The following KLHL2 variants were observed in gnomAD, a reference collection of about 807,000 sequenced individuals.
The protein encoded by KLHL2 is kelch like family member 2.
Under a neutral mutation model 75.8 loss-of-function variants are expected in KLHL2, and 15 were observed. The observed-to-expected ratio is 0.20, with a 90% CI of 0.13 to 0.30. KLHL2 has a LOEUF of 0.30. Ranked by LOEUF, KLHL2 falls within the 10% of genes least tolerant of loss-of-function variation. The pLI, the probability that KLHL2 is intolerant of heterozygous loss-of-function variation, is 1.00. For missense variants in KLHL2, 381 were observed against 741.0 expected (o/e 0.51, Z 5.64); for synonymous variants, 214 against 251.9 (o/e 0.85, Z 1.42).
intron 4 of KLHL2, among the ~76,000 whole-genome samples, chr4:165,239,174 T>C (rs904032419): frequency 1.3e-5 from 2 of 152,206 alleles, no homozygotes; most frequent in African/African-American, 4.8e-5. Flanking sequence ...TTATAACTGT[T>C]GATTGATGCT....
intron 5 of KLHL2, chr4:165,279,078 C>T (rs774458237): frequency 2.5e-5 from 39 of 1,538,578 alleles, no homozygotes; most frequent in East Asian, 6.7e-5. Context: ...CCTCCATTGA[C>T]GCCTCCTGTC....
chr4:165,223,884 G>T, intron 2 of KLHL2: 1 of 431,392 alleles, frequency 2.3e-6, no homozygotes. Context: ...CTATAGAGGG[G>T]ACAGAGAAGC....
chr4:165,211,247 A>C (rs1737180623), intron 1 of KLHL2, among the ~76,000 whole-genome samples: 1 of 152,252 alleles, frequency 6.6e-6, no homozygotes, highest in Admixed American at 6.5e-5. Flanking sequence ...TATTTATGAA[A>C]CAACAATGAT....
chr4:165,316,319 C>A (rs1341160623), intron 13 of KLHL2, among the ~76,000 whole-genome samples: 3 of 152,140 alleles, frequency 2.0e-5, no homozygotes, highest in Non-Finnish European at 4.4e-5. Context: ...TTTTTGAGAT[C>A]ATTTTTTCTC....
chr4:165,283,987 T>C (rs1743892410), intron 5 of KLHL2, among the ~76,000 whole-genome samples: 1 of 152,224 alleles, frequency 6.6e-6, no homozygotes, highest in South Asian at 2.1e-4. Context: ...TGTTGGCCCC[T>C]TTCAGCCACG....
intron 14 of KLHL2, among the ~76,000 whole-genome samples, chr4:165,320,126 G>A (rs1425273511): frequency 7.1e-6 from 1 of 141,524 alleles, no homozygotes; most frequent in Non-Finnish European, 1.6e-5. Flanking sequence ...ATATCTGCCT[G>A]AACAAGTTTT....
chr4:165,278,657 CG>C, intron 5 of KLHL2: 1 of 1,597,392 alleles, frequency 6.3e-7, no homozygotes, highest in East Asian at 2.2e-5. Context: ...TCTTAGCCAG[CG>C]AATAACAGCA....
At position 165,294,684 on chromosome 4, in the gene KLHL2, G is replaced by A. The variant is rs535460540; in HGVS notation, c.654+216G>A. On this transcript the variant is annotated intron_variant, in intron 6 of 14. Transcript: ENST00000226725. ...TTGATTGTCTATGTAAATTACTCCC[G>A]GTCTTCACTTTGTGGGAGGTTCCCT... Among the ~76,000 whole-genome samples the A allele has an allele frequency of 3.3e-5, 5 of 152,162 alleles. No individual in the cohort carries two copies. In the South Asian group the frequency reaches 6.2e-4, roughly 19 times the overall value.
chr4:165,227,809 C>A (rs1433838609), intron 2 of KLHL2, among the ~76,000 whole-genome samples: 2 of 152,026 alleles, frequency 1.3e-5, no homozygotes, highest in African/African-American at 4.8e-5. Context: ...AAATGCTCAC[C>A]ACATGTTTTT....
At chr4:165,257,814 A>G (rs1056457924) in intron 4 of KLHL2, among the ~76,000 whole-genome samples, 5 of 152,006 alleles carry the variant, frequency 3.3e-5, no homozygotes, top group Non-Finnish European at 5.9e-5. Flanking sequence ...ACGTGATCCT[A>G]CTGCCACAGA....
intron 4 of KLHL2, 44 bp from the exon 5 acceptor site, chr4:165,263,153 T>C (rs772677520): frequency 6.2e-7 from 1 of 1,603,978 alleles, no homozygotes; most frequent in Admixed American, 1.7e-5. Flanking sequence ...AGAGGCAGTG[T>C]TTTTCCACCC....
intron 7 of KLHL2, among the ~76,000 whole-genome samples, chr4:165,298,292 G>C (rs180694577): frequency 1.2e-3 from 187 of 152,098 alleles, no homozygotes; most frequent in African/African-American, 4.3e-3. Context: ...TCTTTCCATA[G>C]TCTCTTCTGA....
chr4:165,251,672 G>C (rs1471062885), intron 4 of KLHL2, among the ~76,000 whole-genome samples: 5 of 148,408 alleles, frequency 3.4e-5, no homozygotes, highest in Non-Finnish European at 6.0e-5. Context: ...TGCAGTGGCG[G>C]GATCTCGGCT....
At chr4:165,235,442 C>T (rs1372249980) in intron 3 of KLHL2, among the ~76,000 whole-genome samples, 1 of 152,222 alleles carries the variant, frequency 6.6e-6, no homozygotes, top group Non-Finnish European at 1.5e-5. Flanking sequence ...CTCACATGAT[C>T]CGCCTGCCTT....
intron 5 of KLHL2, among the ~76,000 whole-genome samples, chr4:165,281,174 G>T (rs1467266693): frequency 6.6e-6 from 1 of 152,018 alleles, no homozygotes; most frequent in African/African-American, 2.4e-5. Context: ...TTGGTGTTTA[G>T]AAATCAAATA....
At chr4:165,293,723 A>G (rs1013145493) in intron 5 of KLHL2, among the ~76,000 whole-genome samples, 4 of 121,206 alleles carry the variant, frequency 3.3e-5, no homozygotes, top group Admixed American at 9.8e-5. Flanking sequence ...TCACTGTGTT[A>G]GCCAGGATGG....
intron 9 of KLHL2, among the ~76,000 whole-genome samples, chr4:165,308,767 T>A (rs562282677): frequency 6.6e-6 from 1 of 152,230 alleles, no homozygotes; most frequent in Non-Finnish European, 1.5e-5. Flanking sequence ...GAGTTAGTTA[T>A]GATTTTGGGA....
intron 4 of KLHL2, among the ~76,000 whole-genome samples, chr4:165,260,692 A>G (rs1023243310): frequency 1.2e-4 from 18 of 152,142 alleles, no homozygotes; most frequent in African/African-American, 1.2e-4. Context: ...AATGACTGCA[A>G]TTGAATGGAT....
chr4:165,238,990 A>C, intron 4 of KLHL2, 91 bp downstream of exon 4: 1 of 1,489,542 alleles, frequency 6.7e-7, no homozygotes, highest in Non-Finnish European at 8.9e-7. Context: ...AATTTGCACC[A>C]AAATAATAGG....
Sources: gnomAD v4.1 joint callset for allele counts (sites outside exome capture counted in the v4.1 genomes callset) on GRCh38, gnomAD v4.1.1 for gene constraint, MANE v1.5 for transcripts, NCBI Gene and HGNC (gene_info 2026-07-23, HGNC 2026-07-21) for gene names.